TEX36: variants seen among roughly 807,000 people sequenced by gnomAD.
TEX36 encodes testis-expressed protein 36.
Under a neutral mutation model 13.6 loss-of-function variants are expected in TEX36, and 12 were observed. The ratio of observed to expected loss-of-function variants is 0.88; its 90% CI spans 0.56 to 1.43. The LOEUF is 1.43. Ranked by LOEUF, TEX36 falls within the 40% of genes most tolerant of loss-of-function variation. The pLI is 0.00. For missense variants in TEX36, 224 were observed against 228.3 expected (o/e 0.98, Z 0.12); for synonymous variants, 93 against 83.0 (o/e 1.12, Z -0.65).
At position 125,640,206 on chromosome 10, in the gene TEX36, T is replaced by C. The variant is rs377567250; in HGVS notation, c.265-18561A>G. 5.1e-5 allele frequency: 50 copies of C among 985,424 alleles called. No homozygotes were observed. The South Asian group carries it at 1.8e-3, about 36-fold the overall frequency. The allele number at this position is 985,424 out of a possible 1,614,324, so 61.0% of individuals were successfully genotyped here. A position where few individuals can be genotyped will look rare whatever the true frequency, so the allele number is the denominator to read the frequency against. On this transcript the variant is annotated intron_variant, in intron 3 of 3. Transcript: ENST00000526819. ...ATTGTTCTTGGACTGAACATTCTGATGCTAGCTCCTATTTGGCAGGAGGAG... is the reference window on the plus strand; with the variant it reads ...ATTGTTCTTGGACTGAACATTCTGACGCTAGCTCCTATTTGGCAGGAGGAG...
chr10:125,594,867 T>C (rs1326210394), intron 3 of TEX36, among the ~76,000 whole-genome samples: 2 of 152,044 alleles, frequency 1.3e-5, no homozygotes, highest in Non-Finnish European at 2.9e-5. Flanking sequence ...ATAAACAGAA[T>C]AAAAGAATAT....
intron 3 of TEX36, among the ~76,000 whole-genome samples, chr10:125,634,316 A>G (rs1402538039): frequency 1.3e-5 from 2 of 152,144 alleles, no homozygotes; most frequent in Non-Finnish European, 2.9e-5. Flanking sequence ...AGAGGAGGTG[A>G]CCTGACCTCA....
intron 3 of TEX36, among the ~76,000 whole-genome samples, chr10:125,645,977 A>T (rs890090728): frequency 6.6e-6 from 1 of 152,238 alleles, no homozygotes; most frequent in Non-Finnish European, 1.5e-5. Flanking sequence ...AAATGTTGAC[A>T]ATGAAAAATA....
chr10:125,607,069 G>A (rs1425473080), intron 3 of TEX36, among the ~76,000 whole-genome samples: 1 of 152,206 alleles, frequency 6.6e-6, no homozygotes, highest in Non-Finnish European at 1.5e-5. Context: ...CTGGAAAATA[G>A]TCTTAATTTC....
At chr10:125,674,886 G>C (rs1029294964) in intron 1 of TEX36, among the ~76,000 whole-genome samples, 1 of 152,380 alleles carries the variant, frequency 6.6e-6, no homozygotes, top group South Asian at 2.1e-4. Flanking sequence ...GTCTCACCCA[G>C]TCAGGAGGCA....
chr10:125,627,649 T>C (rs1846503944), intron 3 of TEX36, among the ~76,000 whole-genome samples: 1 of 152,264 alleles, frequency 6.6e-6, no homozygotes, highest in Non-Finnish European at 1.5e-5. Context: ...TAATGTATTG[T>C]CTTTTGTTCA....
chr10:125,612,395 T>G (rs1846302173), intron 3 of TEX36, among the ~76,000 whole-genome samples: 1 of 152,134 alleles, frequency 6.6e-6, no homozygotes, highest in Admixed American at 6.5e-5. Flanking sequence ...CCCATCAAAG[T>G]GCCAAGCACC....
chr10:125,662,762 G>A (rs546906725), intron 1 of TEX36, among the ~76,000 whole-genome samples: 3 of 152,276 alleles, frequency 2.0e-5, no homozygotes, highest in African/African-American at 4.8e-5. Context: ...AGAAGAAGGC[G>A]TGACCCTAGG....
At chr10:125,658,921 G>A (rs940016714) in intron 3 of TEX36, among the ~76,000 whole-genome samples, 1 of 152,010 alleles carries the variant, frequency 6.6e-6, no homozygotes, top group Non-Finnish European at 1.5e-5. Flanking sequence ...AAAAACAATT[G>A]CAAGTATGTG....
chr10:125,646,013 C>T (rs554041318), intron 3 of TEX36, among the ~76,000 whole-genome samples: 107 of 152,294 alleles, frequency 7.0e-4, no homozygotes, highest in Middle Eastern at 3.4e-3. Context: ...ATCAAATACA[C>T]TTCTCAATAA....
At chr10:125,617,552 G>C (rs1338246968), downstream of TEX36, among the ~76,000 whole-genome samples, 1 of 152,156 alleles carries the variant, frequency 6.6e-6, no homozygotes, top group African/African-American at 2.4e-5. Context: ...ATGAAGCTTA[G>C]TTTGGCTGGA....
chr10:125,666,204 G>GA (rs1431424721), intron 1 of TEX36, among the ~76,000 whole-genome samples: 1 of 152,142 alleles, frequency 6.6e-6, no homozygotes, highest in Non-Finnish European at 1.5e-5. Context: ...TCTCTTGACT[G>GA]ATTGCTCTGG....
chr10:125,613,815 C>G (rs2133553783), intron 3 of TEX36, among the ~76,000 whole-genome samples: 1 of 152,268 alleles, frequency 6.6e-6, no homozygotes, highest in South Asian at 2.1e-4. Flanking sequence ...ATGGCTGGGT[C>G]AAATGGTATT....
In TEX36 at chr10:125,607,763, C is replaced by T. The variant is rs150520797; in HGVS notation, c.265-30889G>A. Among the ~76,000 whole-genome samples, 880 of 152,086 alleles carry T rather than the reference C, an allele frequency of 5.8e-3. 5 individuals carry two copies. The highest frequency in any genetic ancestry group is 0.013 in the Admixed American group (191 of 15,254). ...TATAGTGCCCAGCACATAGTCAGTG[C>T]TCAATAAATATTTACTGGGTAAGCA... On this transcript the variant is annotated intron_variant, in intron 3 of 3. Coordinates refer to the TEX36 transcript ENST00000532135.
downstream of TEX36, among the ~76,000 whole-genome samples, chr10:125,620,033 T>C (rs919705928): frequency 2.0e-5 from 3 of 152,172 alleles, no homozygotes; most frequent in Admixed American, 2.0e-4. Context: ...CATTCTCTAT[T>C]TTGCCAGGTA....
rs140238274 is a variant in TEX36, at chr10:125,657,434, C to T, written c.265-1238G>A. 2.9e-3 allele frequency among the ~76,000 whole-genome samples: 437 copies of T among 152,146 alleles called. 3 individuals are homozygous for T. The highest frequency in any genetic ancestry group is 1.0e-2 in the African/African-American group (415 of 41,510). ...TGGGACTGGAGGGACAAGTGTATGACGCGGGGCACAATGTCCAAGTCGGCT... is the reference window on the plus strand; with the variant it reads ...TGGGACTGGAGGGACAAGTGTATGATGCGGGGCACAATGTCCAAGTCGGCT... On this transcript the variant is annotated intron_variant, in intron 3 of 3. Coordinates refer to ENST00000368821, the MANE Select transcript of TEX36 (RefSeq NM_001128202.3).
At chr10:125,576,630 A>C (rs1039047052) in exon 4 of TEX36, 2 of 1,316,752 alleles carry the variant, frequency 1.5e-6, no homozygotes, top group African/African-American at 3.0e-5. Context: ...ATGCTGAATA[A>C]ATCCTGGTGG....
chr10:125,653,732 T>A (rs1220972061), downstream of TEX36, among the ~76,000 whole-genome samples: 2 of 152,218 alleles, frequency 1.3e-5, no homozygotes, highest in Non-Finnish European at 2.9e-5. Flanking sequence ...TGGTAGCTTA[T>A]GCCTCTAATC....
chr10:125,647,845 C>G (rs950097958), intron 3 of TEX36, among the ~76,000 whole-genome samples: 1 of 152,208 alleles, frequency 6.6e-6, no homozygotes, highest in Non-Finnish European at 1.5e-5. Context: ...AACAGCACAC[C>G]AGGAGATTAT....
Sources: gnomAD v4.1 joint callset for allele counts (sites outside exome capture counted in the v4.1 genomes callset) on GRCh38, gnomAD v4.1.1 for gene constraint, MANE v1.5 for transcripts, NCBI Gene and HGNC (gene_info 2026-07-23, HGNC 2026-07-21) for gene names.